The following COQ3 variants were observed in gnomAD, a reference collection of about 807,000 sequenced individuals.
COQ3 encodes the protein ubiquinone biosynthesis O-methyltransferase, mitochondrial.
Under a neutral mutation model 33.1 loss-of-function variants are expected in COQ3, and 29 were observed. The ratio of observed to expected loss-of-function variants is 0.88; its 90% CI spans 0.65 to 1.19. COQ3 has a LOEUF of 1.19. COQ3 is among the 50% of genes most tolerant of loss of function. The pLI, the probability that COQ3 is intolerant of heterozygous loss-of-function variation, is 0.00. For missense variants in COQ3, 437 were observed against 430.7 expected (o/e 1.01, Z -0.13); for synonymous variants, 173 against 157.8 (o/e 1.10, Z -0.72).
chr6:99,391,102 T>TATTGATTGATTG (rs1409202225), intron 1 of COQ3, among the ~76,000 whole-genome samples: 20 of 121,150 alleles, frequency 1.7e-4, no homozygotes, highest in Admixed American at 2.5e-4. Context: ...TTTATTTATT[T>TATTGATTGATTG]ATTTATTTAT....
rs1298141373 is a variant in COQ3, at chr6:99,380,203, C to G, written c.372G>C (p.Arg124Ser). 4 of 1,613,524 alleles carry G rather than the reference C, an allele frequency of 2.5e-6. No homozygotes were observed. The African/African-American group carries it at 5.3e-5, about 22-fold the overall frequency. The part of the protein sequence containing the change: ...YAPLHSMNDL[R>S]VPFIRDNLLK... ...TGGAGTGTTACCTAATAAATGGCAC[C>G]CTCAGGTCATTCATGGAATGAAGAG... is the stretch of plus-strand genomic sequence containing the variant. The change falls in exon 3 of 7, where the codon AGG becomes AGC. Residue 124 changes from arginine to serine, a missense_variant. Physicochemically the swap from Arg to Ser is moderately radical, Grantham distance 110. Transcript: ENST00000254759.
intron 1 of COQ3, among the ~76,000 whole-genome samples, chr6:99,388,717 G>T (rs1431674656): frequency 1.3e-5 from 2 of 151,670 alleles, no homozygotes; most frequent in Non-Finnish European, 2.9e-5. Flanking sequence ...GTGTGGTGGT[G>T]GGAACCTGTA....
chr6:99,375,652 T>C (rs1204088165), intron 5 of COQ3, among the ~76,000 whole-genome samples: 1 of 152,152 alleles, frequency 6.6e-6, no homozygotes, highest in East Asian at 1.9e-4. Flanking sequence ...CCCAAAGTGC[T>C]GGGATTACAG....
intron 1 of COQ3, among the ~76,000 whole-genome samples, chr6:99,387,445 T>A (rs1006778936): frequency 6.6e-6 from 1 of 151,840 alleles, no homozygotes. Context: ...AGCAACACTG[T>A]CTCAAAAAAC....
intron 1 of COQ3, among the ~76,000 whole-genome samples, chr6:99,386,299 A>T (rs1774653031): frequency 6.6e-6 from 1 of 152,018 alleles, no homozygotes; most frequent in African/African-American, 2.4e-5. Flanking sequence ...GCATGGTGGC[A>T]CATGCCTGTA....
intron 1 of COQ3, among the ~76,000 whole-genome samples, chr6:99,388,916 CACA>C (rs1562210316): frequency 4.1e-4 from 62 of 149,576 alleles, no homozygotes; most frequent in African/African-American, 1.5e-3. Flanking sequence ...CACACACACA[CACA>C]CACACACACA....
intron 1 of COQ3, among the ~76,000 whole-genome samples, chr6:99,385,910 G>C (rs1378857914): frequency 1.3e-5 from 2 of 150,692 alleles, no homozygotes; most frequent in Non-Finnish European, 2.9e-5. Context: ...CTGGGAGATG[G>C]AGGTTGCAGT....
At chr6:99,388,667 G>C (rs1459961851) in intron 1 of COQ3, among the ~76,000 whole-genome samples, 1 of 152,044 alleles carries the variant, frequency 6.6e-6, no homozygotes, top group Non-Finnish European at 1.5e-5. Flanking sequence ...GGCCAACATG[G>C]TGAAACTCCG....
chr6:99,375,851 G>T, intron 5 of COQ3, 89 bp downstream of exon 5: 1 of 1,387,896 alleles, frequency 7.2e-7, no homozygotes, highest in Non-Finnish European at 1.0e-6. Flanking sequence ...CTGCTGGACT[G>T]CTAATGCATT....
intron 1 of COQ3, among the ~76,000 whole-genome samples, chr6:99,391,790 G>T (rs1251166379): frequency 6.6e-6 from 1 of 152,140 alleles, no homozygotes; most frequent in South Asian, 2.1e-4. Flanking sequence ...CTTGAGCCCA[G>T]GAGTTCAAGA....
chr6:99,369,654 C>T lies in COQ3; in HGVS notation c.1056G>A (p.Glu352=), dbSNP rs1774066976. 19 of 1,614,088 alleles carry T rather than the reference C, an allele frequency of 1.2e-5. No individual in the cohort carries two copies. Among genetic ancestry groups the T allele is most frequent in the Non-Finnish European group, 1.6e-5 (19 of 1,179,996 alleles). The change falls in exon 7 of 7, where the codon GAG becomes GAA. Residue 352 remains glutamate (E), a synonymous_variant. Coordinates refer to ENST00000254759, the MANE Select transcript of COQ3 (RefSeq NM_017421.4). Reference sequence around the variant, plus strand: ...GATTGGTGCAGGCATTAGCTTGGAGCTCTTCTGTTTCTCCCTTTAAAACAA... The same window carrying T: ...GATTGGTGCAGGCATTAGCTTGGAGTTCTTCTGTTTCTCCCTTTAAAACAA... ...AEFVLKGETE[E]LQANACTNPA...
intron 4 of COQ3, among the ~76,000 whole-genome samples, chr6:99,376,946 A>G (rs1460778967): frequency 1.3e-5 from 2 of 151,568 alleles, no homozygotes; most frequent in Non-Finnish European, 2.9e-5. Context: ...CTGGGCAACA[A>G]GAGTGAAACT....
intron 6 of COQ3, 93 bp downstream of exon 6, chr6:99,371,335 T>C: frequency 1.3e-6 from 1 of 766,352 alleles, no homozygotes; most frequent in South Asian, 2.1e-5. Flanking sequence ...GTGGCCTATT[T>C]TATTAAGTGC....
chr6:99,379,046 G>C (rs906392243), intron 3 of COQ3, among the ~76,000 whole-genome samples: 1 of 149,118 alleles, frequency 6.7e-6, no homozygotes, highest in African/African-American at 2.5e-5. Context: ...TTAAGTTTTA[G>C]GGTACATGTG....
Position 99,369,827 on chromosome 6 carries a change from A to G in COQ3, c.890-7T>C, listed in dbSNP as rs1774076081. 2 of 1,542,622 alleles carry G rather than the reference A, an allele frequency of 1.3e-6. No individual in the cohort carries two copies. The highest frequency in any genetic ancestry group is 4.0e-5 in the Admixed American group (2 of 49,576). On this transcript the variant is annotated splice_polypyrimidine_tract_variant and splice_region_variant and intron_variant, in intron 6 of 6. Transcript: ENST00000254759. ...GTTTGAACTGACAGACCATCTGAAA[A>G]AAAAAAAAATCAGAAAGAGTAGATT... is the stretch of plus-strand genomic sequence containing the variant.
At chr6:99,388,933 A>ACCCCC in intron 1 of COQ3, among the ~76,000 whole-genome samples, 1 of 52,438 alleles carries the variant, frequency 1.9e-5, no homozygotes, top group South Asian at 5.5e-4. Context: ...ACACACACAC[A>ACCCCC]CCCACATCCT....
intron 1 of COQ3, among the ~76,000 whole-genome samples, chr6:99,391,711 T>C (rs980802837): frequency 6.6e-6 from 1 of 152,136 alleles, no homozygotes; most frequent in African/African-American, 2.4e-5. Context: ...TTAAAAATCA[T>C]CTTAGGCCAG....
intron 5 of COQ3, among the ~76,000 whole-genome samples, chr6:99,372,820 C>A (rs1217239594): frequency 2.0e-5 from 3 of 151,860 alleles, no homozygotes; most frequent in Non-Finnish European, 2.9e-5. Context: ...TTCTCATTAG[C>A]CTGATGAGGG....
rs547653484 is a variant in COQ3, at chr6:99,383,821, T to C, written c.110A>G (p.Tyr37Cys). 3 of 1,566,160 alleles carry C rather than the reference T, an allele frequency of 1.9e-6. No homozygotes were observed. Among genetic ancestry groups the C allele is most frequent in the South Asian group, 2.5e-5 (2 of 81,208 alleles). The change falls in exon 2 of 7, where the codon TAT becomes TGT. Residue 37 changes from tyrosine (Y) to cysteine (C), a missense_variant. Tyr to Cys is a radical substitution (Grantham distance 194). Transcript: ENST00000254759. The part of the protein sequence containing the change: ...AARPLISSAV[Y>C]VKNQLSGTLQ... ...AGTCCCACTGAGCTGGTTCTTCACA[T>C]AAACTGAAAAAAAAAATTAAATATC...
Sources: allele counts gnomAD v4.1 joint callset (sites outside exome capture counted in the v4.1 genomes callset), GRCh38; gene constraint gnomAD v4.1.1; transcripts MANE v1.5; gene names NCBI Gene and HGNC (gene_info 2026-07-23, HGNC 2026-07-21).